Variants in TTC6 observed in about 807,000 individuals in gnomAD.
The protein encoded by TTC6 is tetratricopeptide repeat domain 6, also known as tetratricopeptide repeat protein 6.
In TTC6, 172 loss-of-function variants were observed where a neutral mutation model predicts 210.4. The observed-to-expected ratio is 0.82, with a 90% CI of 0.72 to 0.93. TTC6 has a LOEUF of 0.93. Among genes scored for constraint, TTC6 ranks in the 40% least tolerant of loss-of-function variants. The pLI, the probability that TTC6 is intolerant of heterozygous loss-of-function variation, is 0.00. For missense variants in TTC6, 2,414 were observed against 2,318.1 expected, an observed-to-expected ratio of 1.04 and a Z score of -0.85; for synonymous variants, 804 against 819.6, an observed-to-expected ratio of 0.98 and a Z score of 0.32.
intron 29 of TTC6, among the ~76,000 whole-genome samples, chr14:37,840,152 G>A (rs1042570908): frequency 2.0e-4 from 30 of 152,246 alleles, no homozygotes; most frequent in African/African-American, 6.7e-4. Flanking sequence ...AAATGATAAA[G>A]GGGATAACAC....
At chr14:37,817,354 AC>A (rs1423986247) in intron 25 of TTC6, among the ~76,000 whole-genome samples, 1 of 152,184 alleles carries the variant, frequency 6.6e-6, no homozygotes, top group Non-Finnish European at 1.5e-5. Flanking sequence ...GAGTGAGTCT[AC>A]AATAATAGGT....
At chr14:37,746,438 C>A (rs1394405134) in intron 10 of TTC6, among the ~76,000 whole-genome samples, 2 of 152,198 alleles carry the variant, frequency 1.3e-5, no homozygotes, top group Non-Finnish European at 2.9e-5. Context: ...TACCTGGGAA[C>A]TTGTTAGAGG....
At chr14:37,813,961 C>T (rs2096135610) in intron 25 of TTC6, among the ~76,000 whole-genome samples, 1 of 152,228 alleles carries the variant, frequency 6.6e-6, no homozygotes, top group Non-Finnish European at 1.5e-5. Flanking sequence ...AATCATCTCT[C>T]TCCTGGACTA....
chr14:37,660,393 C>A (rs996660389), intron 1 of TTC6, among the ~76,000 whole-genome samples: 4 of 152,112 alleles, frequency 2.6e-5, no homozygotes, highest in Admixed American at 2.0e-4. Flanking sequence ...CACCTCACCC[C>A]TGGACAGGCC....
At chr14:37,649,008 C>T (rs752389102) in intron 1 of TTC6, among the ~76,000 whole-genome samples, 3 of 152,054 alleles carry the variant, frequency 2.0e-5, no homozygotes, top group Non-Finnish European at 2.9e-5. Context: ...CCTCCCCACC[C>T]CCCAGGATAT....
intron 14 of TTC6, among the ~76,000 whole-genome samples, chr14:37,779,799 G>T (rs985613340): frequency 5.9e-5 from 9 of 152,140 alleles, no homozygotes; most frequent in Admixed American, 2.6e-4. Flanking sequence ...AGAACAAAAA[G>T]GTTAATTGAA....
intron 8 of TTC6, 33 bp from the exon 11 acceptor site, chr14:37,737,627 C>A: frequency 8.1e-7 from 1 of 1,238,896 alleles, no homozygotes; most frequent in Non-Finnish European, 1.1e-6. Flanking sequence ...GTATCTGTGA[C>A]TAATGTATAT....
At chr14:37,703,729 C>T (rs1217860309) in intron 5 of TTC6, among the ~76,000 whole-genome samples, 3 of 151,788 alleles carry the variant, frequency 2.0e-5, no homozygotes, top group South Asian at 2.1e-4. Context: ...ATTTGAACAG[C>T]GGTGTAGTGT....
chr14:37,622,509 G>C, exon 1 of TTC6: 20 of 1,535,160 alleles, frequency 1.3e-5, no homozygotes, highest in Non-Finnish European at 1.7e-5. Flanking sequence ...GGCCAGACCC[G>C]TGGTCCTGCT....
At chr14:37,732,357 TA>T (rs2095889181) in intron 7 of TTC6, among the ~76,000 whole-genome samples, 1 of 151,022 alleles carries the variant, frequency 6.6e-6, no homozygotes, top group South Asian at 2.1e-4. Context: ...TAATTTTTCG[TA>T]TTTTTTAGTA....
chr14:37,821,760 C>G (rs1230501645), intron 26 of TTC6, among the ~76,000 whole-genome samples: 2 of 146,892 alleles, frequency 1.4e-5, no homozygotes, highest in Non-Finnish European at 3.0e-5. Context: ...AATGTCTCAG[C>G]TAAGAGCTAG....
At chr14:37,651,433 TTTTTTTTTTTTTTTTTTTTTC>T (rs2095712601) in intron 1 of TTC6, among the ~76,000 whole-genome samples, 3 of 34,740 alleles carry the variant, frequency 8.6e-5, no homozygotes, top group African/African-American at 3.1e-4. Flanking sequence ...ATATTTTTTT[TTTTTTTTTTTTTTTTTTTTTC>T]CATCCATGAT....
At chr14:37,725,731 G>A (rs935155443) in intron 7 of TTC6, among the ~76,000 whole-genome samples, 1 of 151,994 alleles carries the variant, frequency 6.6e-6, no homozygotes, top group Non-Finnish European at 1.5e-5. Flanking sequence ...AGAATATTCT[G>A]TTTTCTTTTT....
At chr14:37,694,663 T>A (rs367737945) in intron 3 of TTC6, among the ~76,000 whole-genome samples, 3 of 152,150 alleles carry the variant, frequency 2.0e-5, no homozygotes, top group African/African-American at 7.2e-5. Context: ...ACAGCCAAGA[T>A]TTGAAAGCAA....
At chr14:37,651,417 ATATATATATTTTTTTTTTTTTTT>A (rs1285329486) in intron 1 of TTC6, among the ~76,000 whole-genome samples, 6 of 20,272 alleles carry the variant, frequency 3.0e-4, no homozygotes, top group African/African-American at 1.0e-3. Flanking sequence ...ATATATATAT[ATATATATATTTTTTTTTTTTTTT>A]TTTTTTTTTT....
intron 6 of TTC6, 121 bp downstream of exon 8, chr14:37,714,917 CCTG>C: frequency 1.1e-6 from 1 of 889,260 alleles, no homozygotes; most frequent in Non-Finnish European, 1.6e-6. Context: ...GTAGCTCACG[CCTG>C]TAATCCCAGA....
intron 1 of TTC6, among the ~76,000 whole-genome samples, chr14:37,642,301 G>T (rs1321431423): frequency 6.6e-6 from 1 of 152,130 alleles, no homozygotes; most frequent in South Asian, 2.1e-4. Flanking sequence ...ATGAGACTTG[G>T]GCTGAGCACC....
intron 1 of TTC6, among the ~76,000 whole-genome samples, chr14:37,639,847 C>T (rs1482813653): frequency 2.1e-5 from 3 of 146,116 alleles, no homozygotes; most frequent in Admixed American, 1.4e-4. Context: ...TCTTGTGCCA[C>T]TGCACTCCAA....
chr14:37,727,960 T>C (rs548786208), intron 7 of TTC6, among the ~76,000 whole-genome samples: 1 of 152,310 alleles, frequency 6.6e-6, no homozygotes, highest in East Asian at 1.9e-4. Context: ...TTATTTGTTA[T>C]CACTTTGATA....
Sources: allele counts gnomAD v4.1 joint callset (sites outside exome capture counted in the v4.1 genomes callset), GRCh38; gene constraint gnomAD v4.1.1; transcripts MANE v1.5; gene names NCBI Gene and HGNC (gene_info 2026-07-23, HGNC 2026-07-21).